SCEL: variants seen among roughly 807,000 people sequenced by gnomAD.
SCEL encodes the protein sciellin.
A neutral mutation model predicts 117.6 loss-of-function variants in SCEL; 113 were observed. The observed-to-expected ratio is 0.96, with a 90% CI of 0.83 to 1.12. The LOEUF is 1.12. Among genes scored for constraint, SCEL ranks in the 50% most tolerant of loss-of-function variants. The pLI is 0.00. For synonymous variants in SCEL, 270 were observed against 256.2 expected (o/e 1.05, Z -0.51); for missense variants, 785 against 810.8 (o/e 0.97, Z 0.39).
At chr13:77,605,987 G>GA (rs1594100213) in intron 19 of SCEL, among the ~76,000 whole-genome samples, 3 of 152,136 alleles carry the variant, frequency 2.0e-5, no homozygotes, top group Non-Finnish European at 4.4e-5. Flanking sequence ...GACTCTGTCT[G>GA]AAAAAATAAT....
intron 27 of SCEL, chr13:77,623,342 A>G (rs2089529041): frequency 6.6e-6 from 1 of 152,198 alleles, no homozygotes; most frequent in Non-Finnish European, 1.5e-5. Flanking sequence ...TGCATTAAAT[A>G]TTAGTGTAGA....
rs774371940 is a variant in SCEL, at chr13:77,567,752, C to T, written c.359+4C>T. The T allele has an allele frequency of 8.3e-6, 13 of 1,561,698 alleles. No individual in the cohort carries two copies. The Admixed American group carries it at 1.1e-4, about 13-fold the overall frequency. On this transcript the variant is annotated splice_donor_region_variant and intron_variant, in intron 6 of 32. Transcript: ENST00000349847. ...TGGATAACCAACTAACCAATAGGTA[C>T]CAGTATCTACTAACTATGGGAAAGG...
At chr13:77,568,212 A>T in intron 6 of SCEL, 83 bp from the exon 7 acceptor site, 1 of 852,372 alleles carries the variant, frequency 1.2e-6, no homozygotes, top group Non-Finnish European at 1.9e-6. Flanking sequence ...AACTTTTAAA[A>T]CTCTAAATTC....
intron 1 of SCEL, among the ~76,000 whole-genome samples, chr13:77,543,564 G>C: frequency 6.6e-6 from 1 of 152,088 alleles, no homozygotes; most frequent in Non-Finnish European, 1.5e-5. Flanking sequence ...ATGATACTTT[G>C]GTAAAATGAT....
chr13:77,606,203 T>C (rs2088169129), intron 19 of SCEL, among the ~76,000 whole-genome samples: 1 of 152,174 alleles, frequency 6.6e-6, no homozygotes, highest in Non-Finnish European at 1.5e-5. Context: ...TGTGCATGTG[T>C]GATTGCATAT....
chr13:77,636,474 A>G (rs956586280), intron 29 of SCEL, among the ~76,000 whole-genome samples: 6 of 152,208 alleles, frequency 3.9e-5, no homozygotes, highest in Non-Finnish European at 7.3e-5. Flanking sequence ...TATTGCTCCT[A>G]TTCTTAATAT....
chr13:77,559,940 C>T (rs2084880112), intron 4 of SCEL, 77 bp downstream of exon 4: 2 of 1,245,636 alleles, frequency 1.6e-6, no homozygotes, highest in Non-Finnish European at 2.4e-6. Flanking sequence ...TTCAAGACAG[C>T]TGAATATTTG....
intron 8 of SCEL, among the ~76,000 whole-genome samples, chr13:77,571,659 G>A (rs675746): frequency 0.93 from 139,860 of 151,036 alleles, 64,799 homozygotes; most frequent in South Asian, 0.96. Flanking sequence ...ATTACACTCC[G>A]GCCTGGGCAA....
chr13:77,641,701 A>G (rs139485184), intron 31 of SCEL, among the ~76,000 whole-genome samples: 1 of 152,262 alleles, frequency 6.6e-6, no homozygotes, highest in African/African-American at 2.4e-5. Context: ...TGGGCCAAAT[A>G]TATGGTTTCT....
At position 77,544,366 on chromosome 13, in the gene SCEL, G is replaced by T. The variant is rs144060608; in HGVS notation, c.-20+8542G>T. Among the ~76,000 whole-genome samples, 652 of 152,306 alleles carry T rather than the reference G, an allele frequency of 4.3e-3. 3 individuals carry two copies. Among genetic ancestry groups the T allele is most frequent in the African/African-American group, 0.015 (614 of 41,552 alleles). ...AATCTTTCTTAAGAGAAAGTTAGCA[G>T]GGAGTGGTAAAGACTTCGTGAGGTA... On this transcript the variant is annotated intron_variant, in intron 1 of 32. Coordinates refer to ENST00000349847, the MANE Select transcript of SCEL (RefSeq NM_144777.3).
intron 15 of SCEL, among the ~76,000 whole-genome samples, chr13:77,601,660 C>T (rs562678027): frequency 4.9e-4 from 75 of 152,280 alleles, no homozygotes; most frequent in African/African-American, 1.8e-3. Flanking sequence ...TCTGAATTCT[C>T]AAAGTATTTA....
In SCEL at chr13:77,566,157, G is replaced by T. The variant is rs115114635; in HGVS notation, c.291-1523G>T. On this transcript the variant is annotated intron_variant, in intron 5 of 32. Transcript: ENST00000349847. ...AGAGGTGACTAAAGAGTAAAGGAAGGTCTGTTAACCTAATATATGAGTTTT... is the reference window on the plus strand; with the variant it reads ...AGAGGTGACTAAAGAGTAAAGGAAGTTCTGTTAACCTAATATATGAGTTTT... 2.6e-3 allele frequency among the ~76,000 whole-genome samples: 397 copies of T among 152,250 alleles called. 4 individuals are homozygous for T. Among genetic ancestry groups the T allele is most frequent in the African/African-American group, 9.1e-3 (379 of 41,552 alleles).
At chr13:77,556,751 C>CAG (rs776895748) in intron 3 of SCEL, 38 bp downstream of exon 3, 2 of 1,311,906 alleles carry the variant, frequency 1.5e-6, no homozygotes, top group African/African-American at 2.9e-5. Flanking sequence ...GACAGAAGGG[C>CAG]AGAGAGAGGC....
intron 24 of SCEL, among the ~76,000 whole-genome samples, chr13:77,614,448 G>A (rs1455547749): frequency 1.3e-5 from 2 of 152,118 alleles, no homozygotes; most frequent in African/African-American, 4.8e-5. Context: ...TGCTCAGCAA[G>A]GTTATGGACC....
intron 1 of SCEL, among the ~76,000 whole-genome samples, chr13:77,541,405 C>T (rs542433939): frequency 2.3e-4 from 35 of 152,148 alleles, no homozygotes; most frequent in Admixed American, 5.9e-4. Context: ...ATAAGATTTA[C>T]GGAAAGAAAC....
At chr13:77,584,629 T>C (rs2086460357) in intron 9 of SCEL, among the ~76,000 whole-genome samples, 1 of 152,200 alleles carries the variant, frequency 6.6e-6, no homozygotes, top group Non-Finnish European at 1.5e-5. Context: ...AAGTAAAGCT[T>C]GGCACCATCC....
At chr13:77,635,689 T>C (rs1340395888) in intron 29 of SCEL, among the ~76,000 whole-genome samples, 2 of 152,240 alleles carry the variant, frequency 1.3e-5, no homozygotes, top group Non-Finnish European at 2.9e-5. Flanking sequence ...ACTTGATTCA[T>C]GGAAGTACCA....
intron 9 of SCEL, among the ~76,000 whole-genome samples, chr13:77,587,208 G>A (rs867757665): frequency 6.6e-6 from 1 of 151,844 alleles, no homozygotes; most frequent in African/African-American, 2.4e-5. Context: ...GTCAATGAAC[G>A]TACCCCAGCT....
At chr13:77,543,925 C>A (rs2083859293) in intron 1 of SCEL, among the ~76,000 whole-genome samples, 1 of 152,158 alleles carries the variant, frequency 6.6e-6, no homozygotes, top group African/African-American at 2.4e-5. Flanking sequence ...TAACCTCAGG[C>A]AAACTACTCA....
Sources: allele counts gnomAD v4.1 joint callset (sites outside exome capture counted in the v4.1 genomes callset), GRCh38; gene constraint gnomAD v4.1.1; transcripts MANE v1.5; gene names NCBI Gene and HGNC (gene_info 2026-07-23, HGNC 2026-07-21).